Variants in AMD1 observed in about 807,000 individuals in gnomAD.
The protein encoded by AMD1 is adenosylmethionine decarboxylase 1, also known as S-adenosylmethionine decarboxylase proenzyme.
AMD1 carries 11 observed loss-of-function variants against 40.2 expected under a neutral mutation model. The ratio of observed to expected loss-of-function variants is 0.27; its 90% CI spans 0.17 to 0.45. The LOEUF is 0.45. AMD1 is among the 20% of genes least tolerant of loss of function. The probability of loss-of-function intolerance (pLI) is 1.00; values close to 1 mark genes in which losing one functional copy is unlikely to be tolerated. For missense variants in AMD1, 257 were observed against 410.2 expected (o/e 0.63, Z 3.23); for synonymous variants, 121 against 130.8 (o/e 0.93, Z 0.51).
intron 1 of AMD1, among the ~76,000 whole-genome samples, chr6:110,879,605 A>G (rs183996088): frequency 4.9e-4 from 74 of 152,290 alleles, no homozygotes; most frequent in Admixed American, 8.5e-4. Context: ...TTTACTCAAG[A>G]ATGATCTGGT....
At chr6:110,848,661 C>T in the AMD1 span, 74 of 463,008 alleles carry the variant, frequency 1.6e-4, 1 homozygote, top group South Asian at 1.6e-3. Context: ...TGATACATAT[C>T]AGAATGGATA....
the AMD1 span, among the ~76,000 whole-genome samples, chr6:110,852,019 A>G: frequency 2.0e-5 from 3 of 151,186 alleles, no homozygotes; most frequent in Admixed American, 2.0e-4. Context: ...TTAAAACAGA[A>G]CTCTAGCAAT....
the AMD1 span, among the ~76,000 whole-genome samples, chr6:110,844,790 A>G: frequency 6.6e-6 from 1 of 151,570 alleles, no homozygotes; most frequent in African/African-American, 2.4e-5. Flanking sequence ...TCAGAAAAAA[A>G]AAAGAAAGAA....
At chr6:110,849,112 A>G in the AMD1 span, among the ~76,000 whole-genome samples, 2 of 152,224 alleles carry the variant, frequency 1.3e-5, no homozygotes, top group African/African-American at 4.8e-5. Flanking sequence ...TTTCATGTTG[A>G]CGTGATACAG....
chr6:110,824,209 G>A, the AMD1 span, among the ~76,000 whole-genome samples: 2 of 151,982 alleles, frequency 1.3e-5, no homozygotes, highest in African/African-American at 2.4e-5. Context: ...AGGAAAAGGT[G>A]GTATATATAC....
upstream of AMD1, among the ~76,000 whole-genome samples, chr6:110,870,733 A>G (rs535990761): frequency 1.3e-3 from 192 of 152,292 alleles, no homozygotes; most frequent in South Asian, 3.7e-3. Flanking sequence ...TCCAGGCTAG[A>G]CTGTGGACAG....
chr6:110,838,361 C>T, the AMD1 span, among the ~76,000 whole-genome samples: 3 of 150,294 alleles, frequency 2.0e-5, no homozygotes, highest in Admixed American at 2.0e-4. Flanking sequence ...TGCATTCCAG[C>T]TTGGGCAAGA....
At chr6:110,823,160 T>G in the AMD1 span, among the ~76,000 whole-genome samples, 3 of 152,096 alleles carry the variant, frequency 2.0e-5, no homozygotes, top group Admixed American at 6.6e-5. Context: ...AAGAAGCATT[T>G]TCTAAAATCC....
At chr6:110,824,457 A>G in the AMD1 span, among the ~76,000 whole-genome samples, 164 of 152,298 alleles carry the variant, frequency 1.1e-3, 1 homozygote, top group South Asian at 0.033. Context: ...ATAAAAAATG[A>G]CATATTGGGT....
At chr6:110,881,956 TATCC>T (rs1260442452) in intron 1 of AMD1, among the ~76,000 whole-genome samples, 1 of 152,214 alleles carries the variant, frequency 6.6e-6, no homozygotes, top group Non-Finnish European at 1.5e-5. Context: ...TTCTGCTTTA[TATCC>T]ATCAATTTGA....
At chr6:110,836,228 T>C in the AMD1 span, among the ~76,000 whole-genome samples, 1 of 152,078 alleles carries the variant, frequency 6.6e-6, no homozygotes, top group African/African-American at 2.4e-5. Flanking sequence ...TGTGCAAAGA[T>C]ACATGAACAA....
chr6:110,836,960 C>T, the AMD1 span, among the ~76,000 whole-genome samples: 1 of 151,670 alleles, frequency 6.6e-6, no homozygotes. Context: ...TCGAGACCAA[C>T]CTGGGCAACA....
In AMD1 at chr6:110,881,542, T is replaced by TA. The variant is rs1785409347; in HGVS notation, c.111-5963_111-5962insA. 2.0e-5 allele frequency among the ~76,000 whole-genome samples: 3 copies of TA among 152,208 alleles called. No individual in the cohort carries two copies. In the South Asian group the frequency reaches 6.2e-4, roughly 32 times the overall value. On this transcript the variant is annotated intron_variant, in intron 1 of 8. Coordinates refer to ENST00000368885, the MANE Select transcript of AMD1 (RefSeq NM_001634.6). ...GTGTGCTTCGGGCCAGGCATGGTGGTGCATGCCTGTAATCCCAAATCCCAG... is the reference window on the plus strand; with the variant it reads ...GTGTGCTTCGGGCCAGGCATGGTGGTAGCATGCCTGTAATCCCAAATCCCAG...
chr6:110,832,196 A>G, the AMD1 span, among the ~76,000 whole-genome samples: 1 of 151,006 alleles, frequency 6.6e-6, no homozygotes, highest in East Asian at 2.0e-4. Context: ...TAGTAGAGAC[A>G]GGGTTTTACC....
the AMD1 span, chr6:110,814,689 A>G: frequency 1.8e-6 from 1 of 550,612 alleles, no homozygotes; most frequent in Non-Finnish European, 3.5e-6. Flanking sequence ...CCAAGAGACT[A>G]GACCCCACAA....
chr6:110,861,198 AAC>A, the AMD1 span, among the ~76,000 whole-genome samples: 2 of 151,958 alleles, frequency 1.3e-5, no homozygotes, highest in African/African-American at 4.8e-5. Context: ...CTCTACTATA[AAC>A]ACAAAAAATT....
chr6:110,865,392 A>T, the AMD1 span, among the ~76,000 whole-genome samples: 5 of 152,148 alleles, frequency 3.3e-5, no homozygotes, highest in Non-Finnish European at 5.9e-5. Context: ...AATTGCAGAT[A>T]GTTTTTTTTG....
chr6:110,842,940 C>A, the AMD1 span, among the ~76,000 whole-genome samples: 1 of 151,970 alleles, frequency 6.6e-6, no homozygotes, highest in Non-Finnish European at 1.5e-5. Context: ...CGAGACCAGC[C>A]TGGACAATAT....
At chr6:110,835,651 A>G in the AMD1 span, among the ~76,000 whole-genome samples, 3 of 152,216 alleles carry the variant, frequency 2.0e-5, no homozygotes, top group South Asian at 6.2e-4. Flanking sequence ...AGATCACCTG[A>G]GGTCAGGAGT....
Sources: allele counts gnomAD v4.1 joint callset (sites outside exome capture counted in the v4.1 genomes callset), GRCh38; gene constraint gnomAD v4.1.1; transcripts MANE v1.5; gene names NCBI Gene and HGNC (gene_info 2026-07-23, HGNC 2026-07-21).